Variants in GK observed in about 807,000 individuals in gnomAD.
GK encodes the protein ATP:glycerol 3-phosphotransferase.
Under a neutral mutation model 56.4 loss-of-function variants are expected in GK, and 9 were observed. The ratio of observed to expected loss-of-function variants is 0.16; its 90% CI spans 0.10 to 0.28. The LOEUF (loss-of-function observed/expected upper bound fraction) is 0.28. Ranked by LOEUF, GK falls within the 10% of genes least tolerant of loss-of-function variation. The probability of loss-of-function intolerance (pLI) is 1.00; values close to 1 mark genes in which losing one functional copy is unlikely to be tolerated. For missense variants in GK, 161 were observed against 431.4 expected (o/e 0.37, Z 5.55); for synonymous variants, 104 against 144.1 (o/e 0.72, Z 1.99).
chrX:30,665,140 A>T (rs1258308301), intron 1 of GK, among the ~76,000 whole-genome samples: 1 of 111,878 alleles, frequency 8.9e-6, no homozygotes, highest in Non-Finnish European at 1.9e-5. Context: ...GTGGAAACTT[A>T]CACCATTGCT....
At chrX:30,704,277 G>C (rs191645999) in intron 11 of GK, among the ~76,000 whole-genome samples, 8 of 105,779 alleles carry the variant, frequency 7.6e-5, no homozygotes, top group Non-Finnish European at 1.5e-4. Context: ...TACTACAGGT[G>C]CATGCCACCA....
At chrX:30,695,147 A>G (rs1396331947) in intron 6 of GK, 1 of 804,804 alleles carries the variant, frequency 1.2e-6, no homozygotes, top group Non-Finnish European at 1.6e-6. Flanking sequence ...GTATGTAATG[A>G]TCTTTTTTAA....
chrX:30,710,675 T>G (rs1035285252), intron 13 of GK, among the ~76,000 whole-genome samples: 5 of 111,546 alleles, frequency 4.5e-5, no homozygotes, highest in Non-Finnish European at 9.4e-5. Context: ...ATTTTAGTCT[T>G]TATGCTCTTT....
At chrX:30,707,157 C>T (rs763178443) in intron 11 of GK, among the ~76,000 whole-genome samples, 3 of 110,683 alleles carry the variant, frequency 2.7e-5, no homozygotes, top group Non-Finnish European at 5.7e-5. Flanking sequence ...GGTGAAACCC[C>T]GTCTCTACTA....
At chrX:30,710,925 C>T (rs778440064) in intron 13 of GK, among the ~76,000 whole-genome samples, 85 of 110,827 alleles carry the variant, frequency 7.7e-4, no homozygotes, top group African/African-American at 2.7e-3. Flanking sequence ...TTTATTCTAC[C>T]GCCTCCATCA....
chrX:30,685,171 G>A (rs1187369921), intron 4 of GK, among the ~76,000 whole-genome samples: 2 of 105,771 alleles, frequency 1.9e-5, no homozygotes, highest in African/African-American at 7.0e-5. Flanking sequence ...TCGCACTGTC[G>A]CCCAGGCTAG....
At position 30,694,423 on chromosome X, in the gene GK, C is replaced by T; in HGVS notation, c.438C>T (p.Ser146=). ...AGTCCAAGACAGGCCTTCCACTTAG[C>T]ACTTACTTCAGTGCAGTGAAACTTC... ...FVKSKTGLPL[S]TYFSAVKLRW... is the part of the protein sequence containing the mutation. Residue 146 remains serine, a synonymous_variant, in exon 6 of 21, where the codon AGC becomes AGT. Coordinates refer to ENST00000427190, the MANE Select transcript of GK (RefSeq NM_001205019.2). The T allele has an allele frequency of 3.3e-6, 4 of 1,200,697 alleles. No homozygotes were observed. The highest frequency in any genetic ancestry group is 4.5e-6 in the Non-Finnish European group (4 of 885,718).
chrX:30,699,011 C>A (rs1935412136), intron 9 of GK, among the ~76,000 whole-genome samples: 1 of 106,872 alleles, frequency 9.4e-6, no homozygotes, highest in African/African-American at 3.4e-5. Flanking sequence ...TCTTCATTAT[C>A]ATAGCTATGT....
intron 11 of GK, among the ~76,000 whole-genome samples, chrX:30,706,057 C>T (rs143025912): frequency 4.4e-3 from 490 of 111,791 alleles, no homozygotes; most frequent in African/African-American, 0.015. Flanking sequence ...CAGTGTGCGG[C>T]AATAAAACGG....
intron 5 of GK, among the ~76,000 whole-genome samples, chrX:30,691,854 A>C (rs762492112): frequency 1.8e-4 from 20 of 110,273 alleles, no homozygotes; most frequent in Non-Finnish European, 3.2e-4. Flanking sequence ...ATCTGGATTC[A>C]GGGAGAGAGA....
chrX:30,662,165 A>AGATT (rs11281728), intron 1 of GK, among the ~76,000 whole-genome samples: 1 of 112,103 alleles, frequency 8.9e-6, no homozygotes, highest in East Asian at 2.8e-4. Flanking sequence ...AATATATACC[A>AGATT]AAGACTTAGT....
intron 5 of GK, 74 bp from the exon 6 acceptor site, chrX:30,694,326 G>C: frequency 1.1e-6 from 1 of 930,242 alleles, no homozygotes; most frequent in Non-Finnish European, 1.6e-6. Flanking sequence ...GATTTGTTGA[G>C]TTCTTTTGTT....
At chrX:30,702,008 TTTTA>T (rs779728449) in intron 11 of GK, among the ~76,000 whole-genome samples, 3 of 111,489 alleles carry the variant, frequency 2.7e-5, no homozygotes, top group Non-Finnish European at 5.7e-5. Flanking sequence ...AAGGTAATCT[TTTTA>T]TTTATTTATT....
rs1233431649 is a variant in GK at position 30,716,598 on chromosome X, TTGGACAGCAC to T, written c.976-1936_976-1927del. On this transcript the variant is annotated intron_variant, in intron 13 of 20. Transcript: ENST00000427190. ...ATATGTGACTCACTTTATATTTCTG[TTGGACAGCAC>T]TGGTCTAGAAACTCTTACATATTTA... 3.6e-5 allele frequency among the ~76,000 whole-genome samples: 4 copies of T among 112,318 alleles called. No individual in the cohort carries two copies. In the East Asian group the frequency reaches 1.1e-3, roughly 31 times the overall value.
intron 11 of GK, among the ~76,000 whole-genome samples, chrX:30,702,012 A>T (rs1305880837): frequency 9.1e-6 from 1 of 109,479 alleles, no homozygotes; most frequent in East Asian, 2.8e-4. Flanking sequence ...TAATCTTTTT[A>T]TTTATTTATT....
At chrX:30,671,272 CAA>C (rs1220853034) in intron 3 of GK, among the ~76,000 whole-genome samples, 6 of 66,054 alleles carry the variant, frequency 9.1e-5, no homozygotes, top group Non-Finnish European at 1.5e-4. Flanking sequence ...GCTTGGGCAA[CAA>C]GAGCGAAACT....
Position 30,729,882 on chromosome X carries a change from G to A in GK, c.*1140G>A, listed in dbSNP as rs1425689340. 1 of 111,648 alleles carries A rather than the reference G, an allele frequency of 9.0e-6. No individual in the cohort carries two copies. Among genetic ancestry groups the A allele is most frequent in the Non-Finnish European group, 1.9e-5 (1 of 52,987 alleles). 9.2% of individuals were successfully genotyped at this position (111,648 alleles called of 1,213,427 possible). On this transcript the variant is annotated 3_prime_UTR_variant, in exon 21 of 21. Coordinates refer to ENST00000427190, the MANE Select transcript of GK (RefSeq NM_001205019.2). ...GACATATTTTGGATCCTATTGAGGG[G>A]ATAAGAGGATGTCAAAAAAGTTAAA...
intron 1 of GK, 151 bp downstream of exon 1, chrX:30,653,766 T>G (rs1261637623): frequency 3.0e-5 from 16 of 539,252 alleles, no homozygotes; most frequent in Non-Finnish European, 4.5e-5. Flanking sequence ...CCTGCCACAC[T>G]GGGGATGCCC....
chrX:30,691,314 G>C, intron 5 of GK, 115 bp downstream of exon 5: 1 of 464,880 alleles, frequency 2.2e-6, no homozygotes, highest in South Asian at 3.3e-5. Flanking sequence ...ACAATTTATA[G>C]AATCTTTTTC....
Sources: gnomAD v4.1 joint callset for allele counts (sites outside exome capture counted in the v4.1 genomes callset) on GRCh38, gnomAD v4.1.1 for gene constraint, MANE v1.5 for transcripts, NCBI Gene and HGNC (gene_info 2026-07-23, HGNC 2026-07-21) for gene names.